The following LNPEP variants were observed in gnomAD, a reference collection of about 807,000 sequenced individuals.
LNPEP encodes the protein leucyl-cystinyl aminopeptidase.
LNPEP carries 64 observed loss-of-function variants against 120.6 expected under a neutral mutation model. The ratio of observed to expected loss-of-function variants is 0.53; its 90% CI spans 0.43 to 0.65. The LOEUF (loss-of-function observed/expected upper bound fraction) is 0.65, where lower values mean the gene tolerates loss of function less well. LNPEP is among the 30% of genes least tolerant of loss of function. The pLI is 0.00. For missense variants in LNPEP, 1,057 were observed against 1,200.0 expected, an observed-to-expected ratio of 0.88 and a Z score of 1.76; for synonymous variants, 435 against 425.4, an observed-to-expected ratio of 1.02 and a Z score of -0.28.
chr5:96,997,988 A>G, intron 7 of LNPEP, 26 bp from the exon 8 acceptor site: 1 of 1,486,516 alleles, frequency 6.7e-7, no homozygotes, highest in Non-Finnish European at 9.2e-7. Flanking sequence ...TACTTGTGAT[A>G]TTCTAATCTT....
chr5:96,990,032 G>A (rs1222562382), intron 4 of LNPEP, among the ~76,000 whole-genome samples: 1 of 152,054 alleles, frequency 6.6e-6, no homozygotes, highest in Non-Finnish European at 1.5e-5. Context: ...GGAGGTATGA[G>A]TGATGTTTCT....
At position 97,006,227 on chromosome 5, in the gene LNPEP, A is replaced by G; in HGVS notation, c.1940A>G (p.Asp647Gly). The G allele has an allele frequency of 6.2e-7, 1 of 1,602,502 alleles. No individual in the cohort carries two copies. Among genetic ancestry groups the G allele is most frequent in the Non-Finnish European group, 8.5e-7 (1 of 1,175,626 alleles). ...ATGAAGCCTGAAATTCAGCCTTCAG[A>G]TACAAGGTACATGCCCTCTTTCTTT... ...LNMKPEIQPS[D>G]TSYLWHIPLS... is the part of the protein sequence containing the mutation. The change falls in exon 10 of 18, where the codon GAT becomes GGT. Residue 647 changes from aspartate (D) to glycine (G), a missense_variant. Transcript: ENST00000231368.
intron 11 of LNPEP, among the ~76,000 whole-genome samples, chr5:97,012,328 G>A (rs1417546279): frequency 6.6e-6 from 1 of 152,116 alleles, no homozygotes; most frequent in African/African-American, 2.4e-5. Context: ...ATCATCGTCT[G>A]AGTTTAGATT....
intron 1 of LNPEP, among the ~76,000 whole-genome samples, chr5:96,967,416 A>T (rs1789756675): frequency 6.6e-6 from 1 of 152,042 alleles, no homozygotes; most frequent in Admixed American, 6.6e-5. Context: ...AAGTGCTGAG[A>T]TTACAGGTAT....
At chr5:97,010,120 C>G (rs1357326289) in intron 11 of LNPEP, 1 of 222,678 alleles carries the variant, frequency 4.5e-6, no homozygotes, top group African/African-American at 2.3e-5. Flanking sequence ...ACAAGAAATG[C>G]TGATGGGGCC....
intron 13 of LNPEP, among the ~76,000 whole-genome samples, chr5:97,017,542 C>G (rs887727926): frequency 1.3e-5 from 2 of 152,000 alleles, no homozygotes; most frequent in Non-Finnish European, 2.9e-5. Context: ...AAAACTTTAT[C>G]ATTTTATCCT....
intron 11 of LNPEP, among the ~76,000 whole-genome samples, chr5:97,006,989 A>G (rs1790803879): frequency 6.6e-6 from 1 of 152,184 alleles, no homozygotes; most frequent in Non-Finnish European, 1.5e-5. Flanking sequence ...GGGAACAAGA[A>G]AATGGGGCAT....
At chr5:96,963,450 A>G (rs918446064) in intron 1 of LNPEP, among the ~76,000 whole-genome samples, 1 of 152,188 alleles carries the variant, frequency 6.6e-6, no homozygotes, top group Non-Finnish European at 1.5e-5. Flanking sequence ...CGGATGGTCT[A>G]AGATAGTTTC....
chr5:96,973,486 G>A (rs1324009183), intron 1 of LNPEP, among the ~76,000 whole-genome samples: 5 of 152,048 alleles, frequency 3.3e-5, no homozygotes. Flanking sequence ...ATATAAATAT[G>A]TCATAGGGGA....
At chr5:96,958,409 A>C in intron 1 of LNPEP, 1 of 888,102 alleles carries the variant, frequency 1.1e-6, no homozygotes, top group East Asian at 1.2e-4. Flanking sequence ...CCTAATAGCT[A>C]TACCAAGCAT....
At chr5:97,010,827 C>T in intron 11 of LNPEP, 1 of 985,332 alleles carries the variant, frequency 1.0e-6, no homozygotes, top group African/African-American at 1.7e-5. Flanking sequence ...GTAGTTACTT[C>T]CCTTGTGTGC....
At chr5:96,996,936 C>T (rs988029426) in intron 7 of LNPEP, among the ~76,000 whole-genome samples, 1 of 151,964 alleles carries the variant, frequency 6.6e-6, no homozygotes, top group South Asian at 2.1e-4. Context: ...TCTCTATTAT[C>T]ACTGTGTACA....
At chr5:97,007,833 A>G (rs900720921) in intron 11 of LNPEP, among the ~76,000 whole-genome samples, 3 of 152,212 alleles carry the variant, frequency 2.0e-5, no homozygotes, top group African/African-American at 7.2e-5. Context: ...AATGCTTTTC[A>G]AAAATGAAGA....
chr5:97,007,684 C>G (rs993066517), intron 11 of LNPEP, among the ~76,000 whole-genome samples: 1 of 152,070 alleles, frequency 6.6e-6, no homozygotes, highest in African/African-American at 2.4e-5. Context: ...TATATGATTT[C>G]TGTATCTTGC....
At position 97,015,085 on chromosome 5, in the gene LNPEP, C is replaced by T; in HGVS notation, c.2366C>T (p.Ser789Leu). ...AAACTGGGATACATGGATCTGGCCT[C>T]AAGACTGGTGGTAAGTCTGCCTTTT... ...LEKLGYMDLA[S>L]RLVTRVFKLL... Residue 789 changes from serine (S) to leucine (L), a missense_variant, in exon 13 of 18, where the codon TCA (serine) becomes TTA (leucine). Physicochemically the swap from Ser to Leu is moderately radical, Grantham distance 145. Coordinates refer to ENST00000231368, the MANE Select transcript of LNPEP (RefSeq NM_005575.3). The T allele has an allele frequency of 6.4e-7, 1 of 1,563,744 alleles. No homozygotes were observed. Among genetic ancestry groups the T allele is most frequent in the Non-Finnish European group, 8.6e-7 (1 of 1,158,116 alleles).
At chr5:96,988,620 A>C (rs920454633) in intron 4 of LNPEP, among the ~76,000 whole-genome samples, 1 of 151,556 alleles carries the variant, frequency 6.6e-6, no homozygotes, top group Non-Finnish European at 1.5e-5. Flanking sequence ...TTTTTTAAAA[A>C]TTTTTTTAGT....
chr5:96,938,416 A>G (rs757923746), intron 1 of LNPEP, among the ~76,000 whole-genome samples: 2 of 152,238 alleles, frequency 1.3e-5, no homozygotes, highest in African/African-American at 2.4e-5. Flanking sequence ...TATGAGCTTA[A>G]CAAAAAACAG....
chr5:97,027,647 G>A (rs762026777), intron 16 of LNPEP, 86 bp from the exon 17 acceptor site: 314 of 821,178 alleles, frequency 3.8e-4, no homozygotes, highest in Non-Finnish European at 5.6e-4. Context: ...TCTGGCTTTG[G>A]CATTAAAGAC....
intron 1 of LNPEP, among the ~76,000 whole-genome samples, chr5:96,970,697 T>C (rs1010258490): frequency 1.2e-4 from 18 of 152,062 alleles, no homozygotes; most frequent in Non-Finnish European, 4.4e-5. Flanking sequence ...AAAATCACTT[T>C]TTCAGTGTTT....
Sources: gnomAD v4.1 joint callset for allele counts (sites outside exome capture counted in the v4.1 genomes callset) on GRCh38, gnomAD v4.1.1 for gene constraint, MANE v1.5 for transcripts, NCBI Gene and HGNC (gene_info 2026-07-23, HGNC 2026-07-21) for gene names.